Variants in CRLF1 observed in about 807,000 individuals in gnomAD.
The protein encoded by CRLF1 is cytokine receptor-like factor 1.
Under a neutral mutation model 48.9 loss-of-function variants are expected in CRLF1, and 36 were observed. The observed-to-expected ratio is 0.74, with a 90% CI of 0.56 to 0.97. CRLF1 has a LOEUF of 0.97. CRLF1 is among the 50% of genes least tolerant of loss of function. CRLF1 has a pLI of 0.00. For missense variants in CRLF1, 534 were observed against 575.1 expected, an observed-to-expected ratio of 0.93 and a Z score of 0.73; for synonymous variants, 256 against 253.4, an observed-to-expected ratio of 1.01 and a Z score of -0.10.
In CRLF1 at chr19:18,597,175, C is replaced by T. The variant is rs878973438; in HGVS notation, c.698-126G>A. On this transcript the variant is annotated intron_variant, in intron 4 of 8. Coordinates refer to ENST00000392386, the MANE Select transcript of CRLF1 (RefSeq NM_004750.5). Reference sequence around the variant, plus strand: ...TGTTTTCCTCCTCTTCCCTCTGCCCCCACCCCCAGGACTGGTGGATTACAC... The same window carrying T: ...TGTTTTCCTCCTCTTCCCTCTGCCCTCACCCCCAGGACTGGTGGATTACAC... 5.4e-5 allele frequency: 53 copies of T among 988,140 alleles called. No homozygotes were observed. In the South Asian group the frequency reaches 8.0e-4, roughly 15 times the overall value. 61.2% of individuals were successfully genotyped at this position (988,140 alleles called of 1,614,324 possible).
At chr19:18,596,511 G>A (rs1976134175) in intron 6 of CRLF1, 111 bp downstream of exon 6, 1 of 1,327,172 alleles carries the variant, frequency 7.5e-7, no homozygotes. Flanking sequence ...CTATGCGACA[G>A]AATGAGGCCG....
At chr19:18,596,196 T>C (rs1976129352) in intron 6 of CRLF1, among the ~76,000 whole-genome samples, 1 of 152,174 alleles carries the variant, frequency 6.6e-6, no homozygotes, top group Non-Finnish European at 1.5e-5. Flanking sequence ...AAGGGCCACA[T>C]TCAGCTCTGG....
intron 2 of CRLF1, 69 bp downstream of exon 2, chr19:18,599,496 C>T: frequency 1.2e-6 from 2 of 1,602,672 alleles, no homozygotes; most frequent in Non-Finnish European, 1.7e-6. Context: ...GCCCACAATT[C>T]ATGCCTCACT....
rs1976296399 is a variant in CRLF1, at chr19:18,606,399, C to T, written c.115+143G>A. Reference sequence around the variant, plus strand: ...GCGCCGTGTGCCCCGCAGGTGAGGGCGCCCCGAGGGCTGCGCCGGGGGCGC... The same window carrying T: ...GCGCCGTGTGCCCCGCAGGTGAGGGTGCCCCGAGGGCTGCGCCGGGGGCGC... On this transcript the variant is annotated intron_variant, in intron 1 of 8. Transcript: ENST00000392386. The surrounding 1 kb of genome is among the most constrained non-coding windows in gnomAD (Gnocchi z 4.8). The T allele has an allele frequency of 1.9e-6, 1 of 540,422 alleles. No individual in the cohort carries two copies. Among genetic ancestry groups the T allele is most frequent in the Non-Finnish European group, 2.4e-6 (1 of 418,950 alleles). 33.5% of individuals were successfully genotyped at this position (540,422 alleles called of 1,614,324 possible).
Position 18,594,386 on chromosome 19 carries a change from G to A in CRLF1, c.1073C>T (p.Pro358Leu), listed in dbSNP as rs966358574. ...CTCGCGCCGCACCGGCCCCGAGCTC[G>A]GCTCTCCGCCCCGCGGTTCGCACGC... ...GGACEPRGGE[P>L]SSGPVRRELK... Residue 358 changes from proline (P) to leucine (L), a missense_variant, in exon 7 of 9, where the codon CCG (proline) becomes CTG (leucine). Pro to Leu is a moderately conservative substitution (Grantham distance 98, BLOSUM62 -3). This residue lies in a region of CRLF1 where 528 missense variants were observed against 555.7 expected (regional missense o/e 0.95). Coordinates refer to ENST00000392386, the MANE Select transcript of CRLF1 (RefSeq NM_004750.5). 1.3e-6 allele frequency: 2 copies of A among 1,594,780 alleles called. No homozygotes were observed. Among genetic ancestry groups the A allele is most frequent in the Admixed American group, 3.4e-5 (2 of 58,246 alleles).
At position 18,593,495 on chromosome 19, in the gene CRLF1, G is replaced by C. The variant is rs1976083278; in HGVS notation, c.*71C>G. 8 of 1,596,522 alleles carry C rather than the reference G, an allele frequency of 5.0e-6. No homozygotes were observed. The highest frequency in any genetic ancestry group is 1.7e-4 in the Middle Eastern group (1 of 6,050). On this transcript the variant is annotated 3_prime_UTR_variant, in exon 9 of 9. Coordinates refer to ENST00000392386, the MANE Select transcript of CRLF1 (RefSeq NM_004750.5). ...TCAGGTGCCCTGAAGTGAGGGTACA[G>C]AGGTGGCCCCAGTTTGGGTTCGGCC...
At chr19:18,594,032 T>TTGCGC in intron 8 of CRLF1, 33 bp downstream of exon 8, 7 of 695,812 alleles carry the variant, frequency 1.0e-5, no homozygotes, top group Non-Finnish European at 1.5e-5. Flanking sequence ...CTCCCCTTGC[T>TTGCGC]CCCTCCCGCC....
chr19:18,605,175 C>G (rs1423023192), intron 1 of CRLF1, among the ~76,000 whole-genome samples: 1 of 151,928 alleles, frequency 6.6e-6, no homozygotes, highest in East Asian at 1.9e-4. Flanking sequence ...GCCTGCTGCT[C>G]TACTGGCTGA....
At position 18,599,706 on chromosome 19, in the gene CRLF1, C is replaced by T. The variant is rs1298828819; in HGVS notation, c.256G>A (p.Glu86Lys). 9 of 1,610,792 alleles carry T rather than the reference C, an allele frequency of 5.6e-6. No homozygotes were observed. The highest frequency in any genetic ancestry group is 6.8e-6 in the Non-Finnish European group (8 of 1,178,816). The change falls in exon 2 of 9, where the codon GAG becomes AAG. Residue 86 changes from glutamate to lysine, a missense_variant. Physicochemically the swap from Glu to Lys is moderately conservative, Grantham distance 56. This residue lies in a region of CRLF1 where 528 missense variants were observed against 555.7 expected (regional missense o/e 0.95). Coordinates refer to ENST00000392386, the MANE Select transcript of CRLF1 (RefSeq NM_004750.5). ...GAGGCGTTGAGTACACGGGAGAGCT[C>T]AGGGGGCAGGCGGCGCCCGTTGAGG... ...WTLNGRRLPPELSRVLNASTL... is the reference protein window; with the variant it reads ...WTLNGRRLPPKLSRVLNASTL...
chr19:18,605,717 C>T (rs921265916), intron 1 of CRLF1, among the ~76,000 whole-genome samples: 1 of 152,158 alleles, frequency 6.6e-6, no homozygotes, highest in African/African-American at 2.4e-5. Flanking sequence ...CGTATCCTTG[C>T]GGGGGTGTTC....
At chr19:18,599,149 AGGC>A in intron 2 of CRLF1, 1 of 979,946 alleles carries the variant, frequency 1.0e-6, no homozygotes, top group Non-Finnish European at 1.2e-6. Context: ...TCTGTCCCCC[AGGC>A]TGGAGTGCAA....
chr19:18,596,773 G>A lies in CRLF1; in HGVS notation c.873C>T (p.Ser291=), dbSNP rs145872761. 6 of 1,613,910 alleles carry A rather than the reference G, an allele frequency of 3.7e-6. No homozygotes were observed. The highest frequency in any genetic ancestry group is 1.1e-5 in the South Asian group (1 of 91,076). ...CGGCCAGGCGGCAGGAGGTCTGGTTGCTCACATCGTCCACCACCTGGACAG... is the reference window on the plus strand; with the variant it reads ...CGGCCAGGCGGCAGGAGGTCTGGTTACTCACATCGTCCACCACCTGGACAG... The part of the protein sequence containing the change: ...SVDWKVVDDV[S]NQTSCRLAGL... The change falls in exon 6 of 9, where the codon AGC becomes AGT. Residue 291 remains serine (S), a synonymous_variant. Transcript: ENST00000392386.
intron 6 of CRLF1, among the ~76,000 whole-genome samples, chr19:18,595,281 G>A (rs1976117268): frequency 6.6e-6 from 1 of 152,226 alleles, no homozygotes. Context: ...AGAATCGCAG[G>A]TGCCGGGCAC....
At position 18,604,556 on chromosome 19, in the gene CRLF1, A is replaced by T. The variant is rs553709811; in HGVS notation, c.115+1986T>A. On this transcript the variant is annotated intron_variant, in intron 1 of 8. Transcript: ENST00000392386. ...GGCTCAGAAGCCTGAAGCCCCCAGG[A>T]GCTGCAAAGATGACAGCCCCTCCCA... 2.0e-5 allele frequency among the ~76,000 whole-genome samples: 3 copies of T among 152,298 alleles called. No individual in the cohort carries two copies. In the South Asian group the frequency reaches 6.2e-4, roughly 32 times the overall value.
chr19:18,604,217 G>A (rs1363309609), intron 1 of CRLF1, among the ~76,000 whole-genome samples: 1 of 152,204 alleles, frequency 6.6e-6, no homozygotes, highest in East Asian at 1.9e-4. Flanking sequence ...GCCTGGGCCG[G>A]CGTGGCTCAC....
Position 18,606,498 on chromosome 19 carries a change from C to T in CRLF1, c.115+44G>A. The T allele has an allele frequency of 8.8e-7, 1 of 1,131,164 alleles. No homozygotes were observed. The highest frequency in any genetic ancestry group is 4.3e-5 in the East Asian group (1 of 23,446). 70.1% of individuals were successfully genotyped at this position (1,131,164 alleles called of 1,614,324 possible). A position where few individuals can be genotyped will look rare whatever the true frequency, so the allele number is the denominator to read the frequency against. ...CGCGGCTGCCCCCGGGGCGCCCGCCCTCTGCTCTGGCAGGGGGGAAGGAGT... is the reference window on the plus strand; with the variant it reads ...CGCGGCTGCCCCCGGGGCGCCCGCCTTCTGCTCTGGCAGGGGGGAAGGAGT... On this transcript the variant is annotated intron_variant, in intron 1 of 8. Coordinates refer to ENST00000392386, the MANE Select transcript of CRLF1 (RefSeq NM_004750.5). The surrounding 1 kb of genome is among the most constrained non-coding windows in gnomAD (Gnocchi z 4.8).
In CRLF1 at chr19:18,594,182, C is replaced by G. The variant is rs536971510; in HGVS notation, c.1212+65G>C. On this transcript the variant is annotated intron_variant, in intron 7 of 8. Coordinates refer to ENST00000392386, the MANE Select transcript of CRLF1 (RefSeq NM_004750.5). ...CCACAGCCTGCTGTCTTCCCCCTCC[C>G]CTGTTTTCTGGGCCCCCCCAGCTCC... 20 of 1,603,418 alleles carry G rather than the reference C, an allele frequency of 1.2e-5. No individual in the cohort carries two copies. In the African/African-American group the frequency reaches 2.0e-4, roughly 16 times the overall value.
chr19:18,596,811 C>T (rs1568440472), intron 5 of CRLF1, 21 bp from the exon 6 acceptor site: 1 of 1,612,994 alleles, frequency 6.2e-7, no homozygotes, highest in East Asian at 2.2e-5. Context: ...AGGACAAGGT[C>T]AGAGTAGAGG....
rs375500909 is a variant in CRLF1 at position 18,593,357 on chromosome 19, TCACA to T, written c.*205_*208del. 7.9e-5 allele frequency: 48 copies of T among 608,636 alleles called. No individual in the cohort carries two copies. Among genetic ancestry groups the T allele is most frequent in the Non-Finnish European group, 1.0e-4 (36 of 350,846 alleles). The allele number at this position is 608,636 out of a possible 1,614,324, so 37.7% of individuals were successfully genotyped here. On this transcript the variant is annotated 3_prime_UTR_variant, in exon 9 of 9. Transcript: ENST00000392386. ...GGGTTCTAGGCAACTCAACCAACCC[TCACA>T]CACACACACACACCCACTGGGGTGC...
Sources: allele counts gnomAD v4.1 joint callset (sites outside exome capture counted in the v4.1 genomes callset), GRCh38; gene constraint gnomAD v4.1.1; regional missense constraint gnomAD v4.1.1; non-coding constraint Gnocchi (gnomAD v3.1); transcripts MANE v1.5; gene names NCBI Gene and HGNC (gene_info 2026-07-23, HGNC 2026-07-21).